Variants in STAG1 observed in about 807,000 individuals in gnomAD.
The protein encoded by STAG1 is cohesin subunit SA-1.
Under a neutral mutation model 170.9 loss-of-function variants are expected in STAG1, and 26 were observed. The ratio of observed to expected loss-of-function variants is 0.15; its 90% CI spans 0.11 to 0.21. STAG1 has a LOEUF of 0.21. STAG1 is among the 10% of genes least tolerant of loss of function. The pLI is 1.00. For synonymous variants in STAG1, 514 were observed against 497.7 expected (o/e 1.03, Z -0.44); for missense variants, 964 against 1,509.5 (o/e 0.64, Z 5.99).
intron 13 of STAG1, among the ~76,000 whole-genome samples, chr3:136,456,528 T>G (rs1203746183): frequency 6.6e-6 from 1 of 152,108 alleles, no homozygotes; most frequent in African/African-American, 2.4e-5. Flanking sequence ...TCAAGCAAAC[T>G]AACTTCTGCA....
At chr3:136,569,537 G>C (rs1351150382) in intron 4 of STAG1, among the ~76,000 whole-genome samples, 1 of 151,850 alleles carries the variant, frequency 6.6e-6, no homozygotes, top group South Asian at 2.1e-4. Context: ...AACAAGGCAA[G>C]GATGCCCCTC....
At chr3:136,424,712 G>A (rs1474662601) in intron 16 of STAG1, among the ~76,000 whole-genome samples, 2 of 152,060 alleles carry the variant, frequency 1.3e-5, no homozygotes, top group African/African-American at 4.8e-5. Context: ...TAACAAAAAT[G>A]GCATGATACC....
chr3:136,341,389 G>C, intron 31 of STAG1, 52 bp downstream of exon 31: 1 of 1,176,896 alleles, frequency 8.5e-7, no homozygotes, highest in Non-Finnish European at 1.3e-6. Context: ...TTCACAAAAT[G>C]ATGGGCATCA....
chr3:136,514,431 T>C (rs532384392), intron 7 of STAG1, among the ~76,000 whole-genome samples: 2 of 152,294 alleles, frequency 1.3e-5, no homozygotes, highest in South Asian at 2.1e-4. Flanking sequence ...AGAGAGGATG[T>C]AGAGACATAG....
chr3:136,433,454 C>T (rs562958112), intron 16 of STAG1, 102 bp downstream of exon 16: 6 of 798,178 alleles, frequency 7.5e-6, no homozygotes, highest in Middle Eastern at 2.3e-4. Flanking sequence ...TATAAAAACA[C>T]CATGTTTTTA....
intron 1 of STAG1, among the ~76,000 whole-genome samples, chr3:136,724,912 CA>C (rs549170388): frequency 1.8e-4 from 27 of 149,960 alleles, no homozygotes; most frequent in Middle Eastern, 3.4e-3. Flanking sequence ...AATGTCTGTT[CA>C]AAAAAAAACA....
chr3:136,688,026 G>A (rs371576373), intron 1 of STAG1, among the ~76,000 whole-genome samples: 9 of 151,778 alleles, frequency 5.9e-5, no homozygotes, highest in African/African-American at 1.9e-4. Flanking sequence ...CATGAGCCAC[G>A]GTGCCCAGCC....
intron 21 of STAG1, among the ~76,000 whole-genome samples, chr3:136,404,428 G>A (rs1031760895): frequency 4.6e-5 from 7 of 152,024 alleles, no homozygotes; most frequent in African/African-American, 1.7e-4. Flanking sequence ...ATCTTCTCCT[G>A]TCTGCCAGGA....
At chr3:136,376,004 A>ATAAATAAATAAG (rs1937583747) in intron 23 of STAG1, among the ~76,000 whole-genome samples, 2 of 139,158 alleles carry the variant, frequency 1.4e-5, no homozygotes, top group African/African-American at 2.8e-5. Flanking sequence ...AAATAAATAA[A>ATAAATAAATAAG]TAAATAATTA....
At chr3:136,489,785 G>A (rs896472043) in intron 9 of STAG1, among the ~76,000 whole-genome samples, 7 of 152,178 alleles carry the variant, frequency 4.6e-5, no homozygotes, top group African/African-American at 1.4e-4. Context: ...CTTGAGAATA[G>A]AGACCCTAAC....
At chr3:136,611,798 T>A (rs1020711535) in intron 3 of STAG1, among the ~76,000 whole-genome samples, 1 of 150,672 alleles carries the variant, frequency 6.6e-6, no homozygotes, top group African/African-American at 2.4e-5. Flanking sequence ...CCACTGCATC[T>A]CGCCTTAATC....
intron 4 of STAG1, among the ~76,000 whole-genome samples, chr3:136,577,700 C>G (rs543987675): frequency 3.3e-4 from 50 of 152,244 alleles, no homozygotes; most frequent in African/African-American, 1.1e-3. Context: ...TCACCATGCT[C>G]CAAGAACACA....
In STAG1 at chr3:136,745,138, CAAGTT is replaced by C. The variant is rs1416837935; in HGVS notation, c.-84+7052_-84+7056del. On this transcript the variant is annotated intron_variant, in intron 1 of 33. Coordinates refer to ENST00000383202, the MANE Select transcript of STAG1 (RefSeq NM_005862.3). The stretch of plus-strand genomic sequence containing the variant: ...GTAACTGCTAGCAGAAGCTAGAAAA[CAAGTT>C]AAAAGCCATTGCTATTATGTTTACA... Among the ~76,000 whole-genome samples, 3 of 152,210 alleles carry C rather than the reference CAAGTT, an allele frequency of 2.0e-5. No individual in the cohort carries two copies. The East Asian group carries it at 5.8e-4, about 29-fold the overall frequency.
chr3:136,383,751 C>A (rs1357594832), intron 22 of STAG1, among the ~76,000 whole-genome samples: 4 of 151,790 alleles, frequency 2.6e-5, no homozygotes, highest in African/African-American at 7.3e-5. Flanking sequence ...GTCAGGAGAT[C>A]GAGACCATCC....
At chr3:136,353,438 A>G (rs1936510963) in intron 28 of STAG1, among the ~76,000 whole-genome samples, 1 of 152,238 alleles carries the variant, frequency 6.6e-6, no homozygotes, top group Non-Finnish European at 1.5e-5. Context: ...AGCCAAGGAT[A>G]AAAACAAAAT....
chr3:136,515,094 G>A (rs189048192), intron 7 of STAG1, among the ~76,000 whole-genome samples: 1 of 152,244 alleles, frequency 6.6e-6, no homozygotes, highest in East Asian at 1.9e-4. Flanking sequence ...GCTGGGCATG[G>A]TTGCTCAGGC....
intron 1 of STAG1, among the ~76,000 whole-genome samples, chr3:136,717,267 C>T (rs912640074): frequency 3.3e-5 from 5 of 152,166 alleles, no homozygotes; most frequent in Non-Finnish European, 7.3e-5. Context: ...GCAGAGCTGC[C>T]TATATAGATC....
intron 7 of STAG1, among the ~76,000 whole-genome samples, chr3:136,518,980 G>C (rs1301723777): frequency 6.6e-6 from 1 of 151,950 alleles, no homozygotes; most frequent in Non-Finnish European, 1.5e-5. Context: ...CACAAGATTA[G>C]CAGATGGAGA....
chr3:136,684,521 A>G (rs180849591), intron 1 of STAG1, among the ~76,000 whole-genome samples: 170 of 152,272 alleles, frequency 1.1e-3, no homozygotes, highest in African/African-American at 2.3e-3. Flanking sequence ...AGGCTGAGGC[A>G]GGTGGATCAC....
Sources: gnomAD v4.1 joint callset for allele counts (sites outside exome capture counted in the v4.1 genomes callset) on GRCh38, gnomAD v4.1.1 for gene constraint, MANE v1.5 for transcripts, NCBI Gene and HGNC (gene_info 2026-07-23, HGNC 2026-07-21) for gene names.